TMPRSS15: variants seen among roughly 807,000 people sequenced by gnomAD.
TMPRSS15 encodes the protein enteropeptidase.
A neutral mutation model predicts 125.3 loss-of-function variants in TMPRSS15; 128 were observed. The observed-to-expected ratio is 1.02, with a 90% CI of 0.89 to 1.18. TMPRSS15 has a LOEUF of 1.18. Among genes scored for constraint, TMPRSS15 ranks in the 50% most tolerant of loss-of-function variants. The pLI, the probability that TMPRSS15 is intolerant of heterozygous loss-of-function variation, is 0.00. For synonymous variants in TMPRSS15, 446 were observed against 423.2 expected (o/e 1.05, Z -0.66); for missense variants, 1,283 against 1,212.7 (o/e 1.06, Z -0.86).
chr21:18,343,235 C>T (rs1487962181), intron 12 of TMPRSS15, among the ~76,000 whole-genome samples: 8 of 152,108 alleles, frequency 5.3e-5, no homozygotes, highest in Admixed American at 5.2e-4. Context: ...CTGAAGGAAG[C>T]TGAAATATTC....
chr21:18,275,738 C>T (rs1045428958), intron 23 of TMPRSS15, among the ~76,000 whole-genome samples: 2 of 152,144 alleles, frequency 1.3e-5, no homozygotes, highest in African/African-American at 4.8e-5. Flanking sequence ...AGGAGGTGCT[C>T]GCTTCTGTAT....
chr21:18,476,302 G>A (rs1425317353), intron 1 of TMPRSS15, among the ~76,000 whole-genome samples: 3 of 152,000 alleles, frequency 2.0e-5, no homozygotes, highest in Non-Finnish European at 4.4e-5. Context: ...CCAATTTTTA[G>A]CATGTGTTAT....
At chr21:18,288,558 T>TC (rs2074794352) in intron 21 of TMPRSS15, among the ~76,000 whole-genome samples, 1 of 118,984 alleles carries the variant, frequency 8.4e-6, no homozygotes, top group East Asian at 2.5e-4. Context: ...TTTTTTGAGA[T>TC]GGAGTGTTGT....
At chr21:18,462,018 T>C (rs987425732) in intron 1 of TMPRSS15, among the ~76,000 whole-genome samples, 2 of 152,152 alleles carry the variant, frequency 1.3e-5, no homozygotes, top group Non-Finnish European at 2.9e-5. Context: ...GTGATGATGA[T>C]TATGATGTGA....
chr21:18,415,075 A>G (rs1244418363), intron 1 of TMPRSS15, among the ~76,000 whole-genome samples: 1 of 151,762 alleles, frequency 6.6e-6, no homozygotes, highest in Non-Finnish European at 1.5e-5. Flanking sequence ...AATATCATTC[A>G]TTGTAGTTTC....
chr21:18,356,088 T>C, intron 8 of TMPRSS15, among the ~76,000 whole-genome samples: 1 of 151,876 alleles, frequency 6.6e-6, no homozygotes, highest in East Asian at 1.9e-4. Context: ...AATCCAAAAC[T>C]TTTATGGATG....
chr21:18,346,437 C>A (rs2075509767), intron 10 of TMPRSS15, among the ~76,000 whole-genome samples: 1 of 152,146 alleles, frequency 6.6e-6, no homozygotes, highest in South Asian at 2.1e-4. Flanking sequence ...CCTTGTGGGA[C>A]TATTTACAAT....
At chr21:18,409,075 A>G (rs1399879905) in intron 1 of TMPRSS15, among the ~76,000 whole-genome samples, 1 of 152,114 alleles carries the variant, frequency 6.6e-6, no homozygotes, top group Non-Finnish European at 1.5e-5. Context: ...TCTTTCTTTT[A>G]TACTTGACTG....
intron 21 of TMPRSS15, among the ~76,000 whole-genome samples, chr21:18,283,428 A>G (rs2074725289): frequency 6.6e-6 from 1 of 152,036 alleles, no homozygotes; most frequent in Admixed American, 6.6e-5. Flanking sequence ...TAATCTTACA[A>G]TTACTATACC....
intron 4 of TMPRSS15, among the ~76,000 whole-genome samples, chr21:18,382,777 C>A (rs953592697): frequency 6.6e-6 from 1 of 152,076 alleles, no homozygotes; most frequent in Non-Finnish European, 1.5e-5. Flanking sequence ...ATGACCTTGG[C>A]AAATTACTAC....
At chr21:18,396,170 C>T (rs1191443105) in intron 3 of TMPRSS15, among the ~76,000 whole-genome samples, 1 of 152,212 alleles carries the variant, frequency 6.6e-6, no homozygotes, top group Non-Finnish European at 1.5e-5. Flanking sequence ...TTACTGTCAT[C>T]CTTCTTATTT....
chr21:18,445,450 GA>G (rs2076253496), intron 1 of TMPRSS15, among the ~76,000 whole-genome samples: 1 of 152,048 alleles, frequency 6.6e-6, no homozygotes, highest in Non-Finnish European at 1.5e-5. Context: ...CAAAGTGCTC[GA>G]ATTGTAGGCA....
At chr21:18,376,071 C>T (rs914322042) in intron 5 of TMPRSS15, among the ~76,000 whole-genome samples, 1 of 152,130 alleles carries the variant, frequency 6.6e-6, no homozygotes, top group Admixed American at 6.5e-5. Context: ...TGATAGCTTA[C>T]TCAATAGGAA....
intron 10 of TMPRSS15, 127 bp from the exon 11 acceptor site, chr21:18,344,187 T>C (rs1264331162): frequency 2.1e-5 from 17 of 792,036 alleles, no homozygotes; most frequent in Non-Finnish European, 2.9e-5. Flanking sequence ...TTTAATATAG[T>C]GGACAGGACA....
chr21:18,485,208 T>A (rs1022493485), intron 1 of TMPRSS15, among the ~76,000 whole-genome samples: 1 of 151,948 alleles, frequency 6.6e-6, no homozygotes, highest in Non-Finnish European at 1.5e-5. Context: ...TATTTGCTTG[T>A]ATCCAATAAA....
At chr21:18,309,280 G>A (rs866011277) in intron 18 of TMPRSS15, among the ~76,000 whole-genome samples, 5 of 152,048 alleles carry the variant, frequency 3.3e-5, no homozygotes, top group African/African-American at 9.7e-5. Flanking sequence ...AGACTTAAAC[G>A]TAAGACCTAA....
At chr21:18,368,829 T>A (rs940559995) in intron 6 of TMPRSS15, among the ~76,000 whole-genome samples, 4 of 152,076 alleles carry the variant, frequency 2.6e-5, no homozygotes, top group South Asian at 2.1e-4. Context: ...ATTACAGGAG[T>A]ATTGAAGTAT....
chr21:18,483,204 GCTT>G (rs1333860204), intron 1 of TMPRSS15, among the ~76,000 whole-genome samples: 1 of 151,432 alleles, frequency 6.6e-6, no homozygotes, highest in African/African-American at 2.4e-5. Flanking sequence ...ATTTTCCTTT[GCTT>G]CTTTTAGTTT....
At chr21:18,379,351 C>A in intron 4 of TMPRSS15, 33 bp from the exon 5 acceptor site, 1 of 1,071,412 alleles carries the variant, frequency 9.3e-7, no homozygotes. Context: ...ATAATTATTA[C>A]CTATTTTAAA....
Sources: gnomAD v4.1 joint callset for allele counts (sites outside exome capture counted in the v4.1 genomes callset) on GRCh38, gnomAD v4.1.1 for gene constraint, MANE v1.5 for transcripts, NCBI Gene and HGNC (gene_info 2026-07-23, HGNC 2026-07-21) for gene names.